WWP1: variants seen among roughly 807,000 people sequenced by gnomAD.
WWP1 encodes WW domain containing E3 ubiquitin protein ligase 1, also known as NEDD4-like E3 ubiquitin-protein ligase WWP1.
Under a neutral mutation model 130.6 loss-of-function variants are expected in WWP1, and 49 were observed. The observed-to-expected ratio is 0.38, with a 90% CI of 0.30 to 0.48. The LOEUF (loss-of-function observed/expected upper bound fraction) is 0.48. Ranked by LOEUF, WWP1 falls within the 20% of genes least tolerant of loss-of-function variation. The pLI, the probability that WWP1 is intolerant of heterozygous loss-of-function variation, is 0.99. For missense variants in WWP1, 809 were observed against 1,100.6 expected (o/e 0.74, Z 3.75); for synonymous variants, 332 against 367.8 (o/e 0.90, Z 1.11).
chr8:86,399,269 G>T lies in WWP1; in HGVS notation c.539+631G>T, dbSNP rs187798127. ...TCCTGTAAATCATGAGAAGATAAAT[G>T]CTTCACAGATTGTGGCCTTCCTTCA... is the stretch of plus-strand genomic sequence containing the variant. On this transcript the variant is annotated intron_variant, in intron 7 of 24. Coordinates refer to ENST00000517970, the MANE Select transcript of WWP1 (RefSeq NM_007013.4). 1.4e-3 allele frequency among the ~76,000 whole-genome samples: 208 copies of T among 152,232 alleles called. 1 individual carries two copies. Among genetic ancestry groups the T allele is most frequent in the Non-Finnish European group, 8.4e-4 (57 of 68,018 alleles).
intron 9 of WWP1, among the ~76,000 whole-genome samples, chr8:86,424,365 C>A (rs1403887819): frequency 6.6e-6 from 1 of 151,786 alleles, no homozygotes; most frequent in African/African-American, 2.4e-5. Flanking sequence ...AGACGATGGG[C>A]GGCCAGGCAG....
intron 1 of WWP1, among the ~76,000 whole-genome samples, chr8:86,351,448 C>G (rs1822910163): frequency 6.6e-6 from 1 of 151,992 alleles, no homozygotes; most frequent in African/African-American, 2.4e-5. Flanking sequence ...AAGCAATCCT[C>G]CCACCTCAGC....
intron 1 of WWP1, among the ~76,000 whole-genome samples, chr8:86,344,931 G>T (rs1366128237): frequency 6.6e-6 from 1 of 152,184 alleles, no homozygotes; most frequent in Non-Finnish European, 1.5e-5. Flanking sequence ...TTACCCGGTG[G>T]TGGGGCTTCC....
At chr8:86,439,424 G>A (rs555406105) in intron 17 of WWP1, among the ~76,000 whole-genome samples, 1 of 152,060 alleles carries the variant, frequency 6.6e-6, no homozygotes, top group African/African-American at 2.4e-5. Flanking sequence ...GAACTCCTGA[G>A]CTCAAGAGAT....
At chr8:86,459,516 G>A (rs71525049) in intron 22 of WWP1, among the ~76,000 whole-genome samples, 2 of 152,116 alleles carry the variant, frequency 1.3e-5, no homozygotes, top group Non-Finnish European at 2.9e-5. Flanking sequence ...AAAAGGCAGA[G>A]AAAAAACTGG....
intron 8 of WWP1, among the ~76,000 whole-genome samples, chr8:86,409,722 G>A (rs1042651265): frequency 2.6e-5 from 4 of 151,796 alleles, no homozygotes; most frequent in African/African-American, 7.3e-5. Context: ...CTAACCAGGC[G>A]TGGTGGCGGG....
At chr8:86,355,521 ATTAC>A (rs1450660304) in intron 1 of WWP1, among the ~76,000 whole-genome samples, 1 of 152,226 alleles carries the variant, frequency 6.6e-6, no homozygotes, top group Non-Finnish European at 1.5e-5. Context: ...AAAGTGACCA[ATTAC>A]TTATGGAAAT....
intron 1 of WWP1, among the ~76,000 whole-genome samples, chr8:86,355,136 G>A (rs1407342983): frequency 2.6e-5 from 4 of 152,140 alleles, no homozygotes; most frequent in African/African-American, 9.7e-5. Flanking sequence ...TGGCACTTTG[G>A]AATTGAAGAG....
chr8:86,451,266 C>A (rs904637870), intron 20 of WWP1, among the ~76,000 whole-genome samples: 1 of 109,406 alleles, frequency 9.1e-6, no homozygotes. Flanking sequence ...TACATGAAAG[C>A]TTGCCCGATA....
intron 9 of WWP1, among the ~76,000 whole-genome samples, chr8:86,414,890 T>TTC (rs1808800835): frequency 1.1e-5 from 1 of 94,814 alleles, no homozygotes; most frequent in Non-Finnish European, 2.0e-5. Context: ...CCCCCCCCCA[T>TTC]CCCCCCACCC....
chr8:86,440,074 A>G (rs1364474902), intron 17 of WWP1, among the ~76,000 whole-genome samples: 6 of 152,216 alleles, frequency 3.9e-5, no homozygotes, highest in Admixed American at 6.5e-5. Flanking sequence ...ATAAATGTTC[A>G]TATTGCATCT....
chr8:86,419,611 G>A (rs1477009116), intron 9 of WWP1, among the ~76,000 whole-genome samples: 2 of 152,158 alleles, frequency 1.3e-5, no homozygotes, highest in Non-Finnish European at 2.9e-5. Context: ...ATAAGGACCA[G>A]TTCAGACAGT....
At chr8:86,419,472 A>G (rs1809074602) in intron 9 of WWP1, among the ~76,000 whole-genome samples, 1 of 152,228 alleles carries the variant, frequency 6.6e-6, no homozygotes, top group African/African-American at 2.4e-5. Flanking sequence ...AAAAGTAGAT[A>G]CAACATACAT....
In WWP1 at chr8:86,435,681, T is replaced by C; in HGVS notation, c.1726T>C (p.Leu576=). The C allele has an allele frequency of 1.2e-6, 2 of 1,612,444 alleles. No individual in the cohort carries two copies. Among genetic ancestry groups the C allele is most frequent in the Non-Finnish European group, 1.7e-6 (2 of 1,179,756 alleles). ...AAAGATCAATGTGTCCCGGCAGACA[T>C]TGTTTGAAGATTCCTTCCAACAGGT... is the stretch of plus-strand genomic sequence containing the variant. ...HVKINVSRQT[L]FEDSFQQIMA... The change falls in exon 16 of 25, where the codon TTG becomes CTG. Residue 576 remains leucine (L), a synonymous_variant. Transcript: ENST00000517970.
chr8:86,346,222 G>A (rs1586222487), intron 1 of WWP1, among the ~76,000 whole-genome samples: 1 of 152,156 alleles, frequency 6.6e-6, no homozygotes, highest in Non-Finnish European at 1.5e-5. Context: ...TCATTCATTT[G>A]GATTGTTACT....
At chr8:86,387,909 G>A (rs557901223) in intron 5 of WWP1, among the ~76,000 whole-genome samples, 12 of 152,192 alleles carry the variant, frequency 7.9e-5, no homozygotes, top group Non-Finnish European at 8.8e-5. Flanking sequence ...AAGGGCTGCT[G>A]TCCAACAGAA....
intron 1 of WWP1, among the ~76,000 whole-genome samples, 194 bp from the exon 2 acceptor site, chr8:86,368,745 C>A (rs140508393): frequency 4.0e-4 from 61 of 152,232 alleles, no homozygotes; most frequent in African/African-American, 1.3e-3. Context: ...ATGTGCCGTT[C>A]TTTCTGTAAT....
intron 9 of WWP1, among the ~76,000 whole-genome samples, chr8:86,412,573 G>A (rs772267841): frequency 6.6e-6 from 1 of 152,140 alleles, no homozygotes; most frequent in Non-Finnish European, 1.5e-5. Context: ...ATATGGACAC[G>A]TGCTTTCCAA....
At chr8:86,394,416 A>G (rs566905983) in intron 5 of WWP1, among the ~76,000 whole-genome samples, 26 of 152,232 alleles carry the variant, frequency 1.7e-4, no homozygotes, top group Admixed American at 1.4e-3. Flanking sequence ...TTAAGCACCT[A>G]CCTTCTCTCA....
Sources: gnomAD v4.1 joint callset for allele counts (sites outside exome capture counted in the v4.1 genomes callset) on GRCh38, gnomAD v4.1.1 for gene constraint, MANE v1.5 for transcripts, NCBI Gene and HGNC (gene_info 2026-07-23, HGNC 2026-07-21) for gene names.